The following HTR7 variants were observed in gnomAD, a reference collection of about 807,000 sequenced individuals.
HTR7 encodes 5-HT-7.
In HTR7, 16 loss-of-function variants were observed where a neutral mutation model predicts 34.0. That is an observed-to-expected ratio of 0.47 (90% CI 0.32 to 0.71). HTR7 has a LOEUF of 0.71. Ranked by LOEUF, HTR7 falls within the 30% of genes least tolerant of loss-of-function variation. The probability of loss-of-function intolerance (pLI) is 0.04; values close to 1 mark genes in which losing one functional copy is unlikely to be tolerated. For missense variants in HTR7, 504 were observed against 625.5 expected (o/e 0.81, Z 2.07); for synonymous variants, 265 against 260.2 (o/e 1.02, Z -0.18).
rs1844703374 is a variant in HTR7 at position 90,749,614 on chromosome 10, A to G, written c.540-20T>C. The G allele has an allele frequency of 6.3e-7, 1 of 1,586,924 alleles. No individual in the cohort carries two copies. The highest frequency in any genetic ancestry group is 8.6e-7 in the Non-Finnish European group (1 of 1,165,234). On this transcript the variant is annotated intron_variant, in intron 1 of 3. Transcript: ENST00000336152. This position sits in a 1 kb window ranked among gnomAD's most constrained non-coding sequence, Gnocchi z 4.2. ...AGGTACCTAGTGGAGAGATGGAAAG[A>G]TAACAGATGAACACCGTGATCATAA... is the stretch of plus-strand genomic sequence containing the variant.
At chr10:90,786,573 G>T (rs1019590373) in intron 1 of HTR7, among the ~76,000 whole-genome samples, 7 of 152,102 alleles carry the variant, frequency 4.6e-5, no homozygotes, top group Admixed American at 6.5e-5. Flanking sequence ...CTTATTCTTG[G>T]TTATTACCTG....
chr10:90,771,380 A>G (rs1845107655), intron 1 of HTR7, among the ~76,000 whole-genome samples: 1 of 152,212 alleles, frequency 6.6e-6, no homozygotes, highest in Non-Finnish European at 1.5e-5. Flanking sequence ...TATAACACAA[A>G]CAGGGCTGAA....
intron 1 of HTR7, among the ~76,000 whole-genome samples, chr10:90,766,056 AT>A (rs1330571082): frequency 6.6e-6 from 1 of 152,146 alleles, no homozygotes; most frequent in African/African-American, 2.4e-5. Context: ...AGTTCTGCTC[AT>A]ATCTGGGGTT....
chr10:90,803,607 A>T (rs1028205974), intron 1 of HTR7, among the ~76,000 whole-genome samples: 1 of 152,210 alleles, frequency 6.6e-6, no homozygotes, highest in Admixed American at 6.5e-5. Flanking sequence ...GAGTCTGGCT[A>T]TGACCAATTA....
At chr10:90,767,181 C>T (rs1299880104) in intron 1 of HTR7, among the ~76,000 whole-genome samples, 2 of 152,214 alleles carry the variant, frequency 1.3e-5, no homozygotes, top group Admixed American at 1.3e-4. Flanking sequence ...TGGCTCTCTG[C>T]TCAGTGGGGT....
chr10:90,792,840 C>A (rs1429951435), intron 1 of HTR7, among the ~76,000 whole-genome samples: 1 of 151,976 alleles, frequency 6.6e-6, no homozygotes, highest in Non-Finnish European at 1.5e-5. Flanking sequence ...AACCATATAT[C>A]CACATGCAAA....
At chr10:90,763,869 C>T (rs979529131) in intron 1 of HTR7, among the ~76,000 whole-genome samples, 5 of 152,032 alleles carry the variant, frequency 3.3e-5, no homozygotes, top group Middle Eastern at 3.2e-3. Context: ...CTATCATTGA[C>T]GAGCATTTGG....
chr10:90,775,965 AT>A (rs984999509), intron 1 of HTR7, among the ~76,000 whole-genome samples: 1 of 152,204 alleles, frequency 6.6e-6, no homozygotes, highest in East Asian at 1.9e-4. Flanking sequence ...TTAATAATAT[AT>A]TTTTTCATAC....
chr10:90,814,798 C>A (rs1470812941), intron 1 of HTR7, among the ~76,000 whole-genome samples: 1 of 152,188 alleles, frequency 6.6e-6, no homozygotes, highest in Non-Finnish European at 1.5e-5. Context: ...AGTTCCCCAG[C>A]ATTAAAGGGC....
At chr10:90,838,828 C>T (rs1182845759) in intron 1 of HTR7, among the ~76,000 whole-genome samples, 1 of 152,168 alleles carries the variant, frequency 6.6e-6, no homozygotes, top group Non-Finnish European at 1.5e-5. Context: ...CAGAAAGGCC[C>T]TCCATGATCA....
chr10:90,773,603 C>T (rs1479633009), intron 1 of HTR7, among the ~76,000 whole-genome samples: 1 of 152,062 alleles, frequency 6.6e-6, no homozygotes, highest in Non-Finnish European at 1.5e-5. Context: ...CACCTGCTCT[C>T]CAACCCCCAC....
At chr10:90,849,750 A>T (rs1846468467) in intron 1 of HTR7, among the ~76,000 whole-genome samples, 1 of 152,190 alleles carries the variant, frequency 6.6e-6, no homozygotes. Flanking sequence ...TCTAGCCATG[A>T]TGGGGTTGTT....
chr10:90,857,315 C>G lies in HTR7; in HGVS notation c.357G>C (p.Leu119=), dbSNP rs777026790. The G allele has an allele frequency of 2.5e-6, 4 of 1,614,084 alleles. No individual in the cohort carries two copies. The highest frequency in any genetic ancestry group is 3.4e-6 in the Non-Finnish European group (4 of 1,180,012). Reference sequence around the variant, plus strand: ...GGTCGGCCAGCGCCAGGGACACGATCAGGTAGTTGGAGGGCTGGCGGAGCT... The same window carrying G: ...GGTCGGCCAGCGCCAGGGACACGATGAGGTAGTTGGAGGGCTGGCGGAGCT... ...VKKLRQPSNY[L]IVSLALADLS... Residue 119 remains leucine, a synonymous_variant, in exon 1 of 4, where the codon CTG becomes CTC. Transcript: ENST00000336152. This position sits in a 1 kb window ranked among gnomAD's most constrained non-coding sequence, Gnocchi z 6.5.
At chr10:90,783,951 T>C (rs1055889801) in intron 1 of HTR7, among the ~76,000 whole-genome samples, 1 of 152,230 alleles carries the variant, frequency 6.6e-6, no homozygotes, top group African/African-American at 2.4e-5. Flanking sequence ...CTTTTTATTC[T>C]ATGACTTCAA....
chr10:90,771,493 C>T (rs561772132), intron 1 of HTR7, among the ~76,000 whole-genome samples: 2 of 152,368 alleles, frequency 1.3e-5, no homozygotes, highest in African/African-American at 4.8e-5. Flanking sequence ...AGGGCTGTGA[C>T]TCCCTCTTTG....
At position 90,755,391 on chromosome 10, in the gene HTR7, C is replaced by A. The variant is rs150853967; in HGVS notation, c.540-5797G>T. Among the ~76,000 whole-genome samples the A allele has an allele frequency of 2.0e-5, 3 of 152,202 alleles. No individual in the cohort carries two copies. The East Asian group carries it at 5.8e-4, about 29-fold the overall frequency. ...CCATGGTTCACAAAAAGAAATATAA[C>A]ATTTTATATAATAAACTGATATGTG... is the stretch of plus-strand genomic sequence containing the variant. On this transcript the variant is annotated intron_variant, in intron 1 of 3. Coordinates refer to ENST00000336152, the MANE Select transcript of HTR7 (RefSeq NM_019859.4).
At chr10:90,805,080 A>C (rs1298409394) in intron 1 of HTR7, among the ~76,000 whole-genome samples, 1 of 152,200 alleles carries the variant, frequency 6.6e-6, no homozygotes, top group Non-Finnish European at 1.5e-5. Context: ...AGGGTACCAG[A>C]TATTACTTTG....
chr10:90,785,799 A>G (rs944507977), intron 1 of HTR7, among the ~76,000 whole-genome samples: 2 of 152,190 alleles, frequency 1.3e-5, no homozygotes, highest in African/African-American at 4.8e-5. Context: ...ACTCCTTCTC[A>G]GAACGCACCA....
In HTR7 at chr10:90,815,977, C is replaced by G. The variant is rs562784640; in HGVS notation, c.539+41156G>C. On this transcript the variant is annotated intron_variant, in intron 1 of 3. Transcript: ENST00000336152. ...CTAAGGGACATTAAGTGAAGCTATC[C>G]CTATGCTAACAGGGATAGCAGTGCC... Among the ~76,000 whole-genome samples the G allele has an allele frequency of 2.1e-3, 321 of 152,242 alleles. 1 individual carries two copies. The highest frequency in any genetic ancestry group is 0.01 in the Middle Eastern group (3 of 294).
Sources: gnomAD v4.1 joint callset for allele counts (sites outside exome capture counted in the v4.1 genomes callset) on GRCh38, gnomAD v4.1.1 for gene constraint, Gnocchi (gnomAD v3.1) non-coding constraint, MANE v1.5 for transcripts, NCBI Gene and HGNC (gene_info 2026-07-23, HGNC 2026-07-21) for gene names.